PINX1: variants seen among roughly 807,000 people sequenced by gnomAD.
PINX1 encodes PIN2/TERF1-interacting telomerase inhibitor 1.
In PINX1, 34 loss-of-function variants were observed where a neutral mutation model predicts 25.4. The ratio of observed to expected loss-of-function variants is 1.34; its 90% CI spans 1.02 to 1.78. The LOEUF (loss-of-function observed/expected upper bound fraction) is 1.78. PINX1 is among the 40% of genes most tolerant of loss of function. The pLI is 0.00. For synonymous variants in PINX1, 197 were observed against 147.7 expected (o/e 1.33, Z -2.42); for missense variants, 592 against 404.9 (o/e 1.46, Z -3.97).
At chr8:10,817,433 C>T (rs949764474) in intron 6 of PINX1, among the ~76,000 whole-genome samples, 4 of 152,176 alleles carry the variant, frequency 2.6e-5, no homozygotes, top group African/African-American at 9.7e-5. Flanking sequence ...GTTAAGGTTT[C>T]TTAGCAATAG....
intron 6 of PINX1, among the ~76,000 whole-genome samples, chr8:10,792,046 A>C (rs1801940015): frequency 6.6e-6 from 1 of 152,134 alleles, no homozygotes. Context: ...AGGACCAGCA[A>C]GGGTAGCGCT....
At chr8:10,782,907 T>C (rs1364902583) in intron 6 of PINX1, among the ~76,000 whole-genome samples, 4 of 152,214 alleles carry the variant, frequency 2.6e-5, no homozygotes, top group African/African-American at 9.7e-5. Flanking sequence ...ACCTCCTCAT[T>C]TGGAAATTGC....
At chr8:10,838,968 G>A (rs1798486931) in intron 1 of PINX1, among the ~76,000 whole-genome samples, 1 of 152,174 alleles carries the variant, frequency 6.6e-6, no homozygotes. Context: ...TGGTCTGCTT[G>A]ATCTGTTAAA....
At chr8:10,813,601 G>T (rs1258822868) in intron 6 of PINX1, among the ~76,000 whole-genome samples, 2 of 152,118 alleles carry the variant, frequency 1.3e-5, no homozygotes, top group Non-Finnish European at 1.5e-5. Flanking sequence ...GTCATGCTTT[G>T]CCTCAAAAAG....
rs1802444742 is a variant in PINX1, at chr8:10,806,144, CGG to C, written c.471+14047_471+14048del. Among the ~76,000 whole-genome samples, 5 of 135,382 alleles carry C rather than the reference CGG, an allele frequency of 3.7e-5. 1 individual carries two copies. Among genetic ancestry groups the C allele is most frequent in the African/African-American group, 1.2e-4 (4 of 34,164 alleles). 88.8% of individuals were successfully genotyped at this position (135,382 alleles called of 152,430 possible). Reference sequence around the variant, plus strand: ...GGCCACACTAGTGCTGAGGGGGTGACGGAGCACAGGAAGGGGCCACACTAGTG... The same window carrying C: ...GGCCACACTAGTGCTGAGGGGGTGACAGCACAGGAAGGGGCCACACTAGTG... On this transcript the variant is annotated intron_variant, in intron 6 of 6. Coordinates refer to ENST00000314787, the MANE Select transcript of PINX1 (RefSeq NM_017884.6).
intron 6 of PINX1, among the ~76,000 whole-genome samples, chr8:10,816,757 A>G (rs1180246857): frequency 2.0e-5 from 3 of 152,250 alleles, no homozygotes; most frequent in Non-Finnish European, 4.4e-5. Context: ...ATTTTTTGTT[A>G]AATGAGAAAG....
intron 1 of PINX1, among the ~76,000 whole-genome samples, chr8:10,835,593 G>A (rs574883047): frequency 4.1e-4 from 63 of 152,214 alleles, no homozygotes; most frequent in African/African-American, 1.5e-3. Context: ...AACATCCACT[G>A]TATTAGGGCT....
At chr8:10,766,162 G>T (rs1042500535) in intron 6 of PINX1, among the ~76,000 whole-genome samples, 7 of 152,162 alleles carry the variant, frequency 4.6e-5, no homozygotes, top group African/African-American at 1.7e-4. Context: ...GGTACCAGGT[G>T]GGGTGGTAGA....
chr8:10,811,944 A>G (rs1480872188), intron 6 of PINX1, among the ~76,000 whole-genome samples: 1 of 152,158 alleles, frequency 6.6e-6, no homozygotes, highest in African/African-American at 2.4e-5. Context: ...CCCACTTAGA[A>G]GAGCATGTGG....
intron 6 of PINX1, among the ~76,000 whole-genome samples, chr8:10,781,448 T>A (rs1801582898): frequency 6.6e-6 from 1 of 152,240 alleles, no homozygotes; most frequent in Admixed American, 6.5e-5. Flanking sequence ...AGACCATGTA[T>A]CTGATATAAA....
chr8:10,776,675 C>A (rs1163429394), intron 6 of PINX1, among the ~76,000 whole-genome samples: 3 of 152,058 alleles, frequency 2.0e-5, no homozygotes, highest in Non-Finnish European at 2.9e-5. Context: ...CCTCAGGCTG[C>A]CCACTCTTCC....
intron 6 of PINX1, among the ~76,000 whole-genome samples, chr8:10,768,597 T>C (rs542336144): frequency 6.6e-6 from 1 of 152,270 alleles, no homozygotes; most frequent in Non-Finnish European, 1.5e-5. Flanking sequence ...CCCAGCAAAG[T>C]GCTGGCCACA....
chr8:10,828,458 A>G (rs1586205697), intron 4 of PINX1, among the ~76,000 whole-genome samples: 1 of 152,220 alleles, frequency 6.6e-6, no homozygotes, highest in Middle Eastern at 3.4e-3. Flanking sequence ...GCCTGAACTC[A>G]CTACAGAGGA....
intron 6 of PINX1, among the ~76,000 whole-genome samples, chr8:10,816,395 T>C (rs1006468283): frequency 2.0e-5 from 3 of 152,222 alleles, no homozygotes; most frequent in African/African-American, 4.8e-5. Flanking sequence ...GTTTCTTAGA[T>C]ATAAATACAT....
chr8:10,781,935 G>C (rs867003105), intron 6 of PINX1, among the ~76,000 whole-genome samples: 23 of 150,910 alleles, frequency 1.5e-4, no homozygotes, highest in Middle Eastern at 3.4e-3. Context: ...AACATCCTAA[G>C]TGTCTGTCCA....
chr8:10,776,731 C>T (rs1801409030), intron 6 of PINX1, among the ~76,000 whole-genome samples: 2 of 152,130 alleles, frequency 1.3e-5, no homozygotes, highest in South Asian at 4.1e-4. Flanking sequence ...GAAGGGGAAG[C>T]AAGGGATGGG....
At chr8:10,772,507 T>C (rs1801258071) in intron 6 of PINX1, among the ~76,000 whole-genome samples, 1 of 152,262 alleles carries the variant, frequency 6.6e-6, no homozygotes, top group Non-Finnish European at 1.5e-5. Context: ...CAGCTATTTT[T>C]ACACTCACAA....
intron 6 of PINX1, among the ~76,000 whole-genome samples, chr8:10,777,411 G>A (rs1801427821): frequency 6.6e-6 from 1 of 152,236 alleles, no homozygotes; most frequent in Admixed American, 6.5e-5. Context: ...GACAGGAAAA[G>A]GATGCACTCT....
chr8:10,788,169 T>C (rs944218739), intron 6 of PINX1, among the ~76,000 whole-genome samples: 4 of 152,166 alleles, frequency 2.6e-5, no homozygotes, highest in South Asian at 2.1e-4. Context: ...TGGCCACGAA[T>C]TGATCATTGT....
Sources: allele counts gnomAD v4.1 joint callset (sites outside exome capture counted in the v4.1 genomes callset), GRCh38; gene constraint gnomAD v4.1.1; transcripts MANE v1.5; gene names NCBI Gene and HGNC (gene_info 2026-07-23, HGNC 2026-07-21).